The following CEACAM20 variants were observed in gnomAD, a reference collection of about 807,000 sequenced individuals.
CEACAM20 encodes cell adhesion molecule CEACAM20.
In CEACAM20, 50 loss-of-function variants were observed where a neutral mutation model predicts 61.2. That is an observed-to-expected ratio of 0.82 (90% CI 0.65 to 1.03). The LOEUF is 1.03. CEACAM20 is among the 50% of genes least tolerant of loss of function. The pLI is 0.00. For synonymous variants in CEACAM20, 282 were observed against 287.7 expected (o/e 0.98, Z 0.20); for missense variants, 683 against 736.4 (o/e 0.93, Z 0.84).
chr19:44,526,531 A>G (rs994302351), intron 1 of CEACAM20, among the ~76,000 whole-genome samples: 4 of 150,848 alleles, frequency 2.7e-5, no homozygotes, highest in African/African-American at 9.7e-5. Flanking sequence ...ACACAAAAAA[A>G]TGAGTTCCCA....
intron 11 of CEACAM20, among the ~76,000 whole-genome samples, chr19:44,510,547 GGAAA>G (rs770702249): frequency 0.078 from 4,085 of 52,124 alleles, 111 homozygotes; most frequent in Non-Finnish European, 0.1. Context: ...AAGGAAGGAA[GGAAA>G]GAAAGAAAGA....
At chr19:44,521,449 G>A (rs531180326) in intron 4 of CEACAM20, among the ~76,000 whole-genome samples, 2 of 152,144 alleles carry the variant, frequency 1.3e-5, no homozygotes, top group South Asian at 4.1e-4. Flanking sequence ...TGTTTGTTGT[G>A]TAGATGTATG....
intron 1 of CEACAM20, 79 bp downstream of exon 1, chr19:44,529,378 AC>A: frequency 7.9e-7 from 1 of 1,263,944 alleles, no homozygotes; most frequent in Non-Finnish European, 1.2e-6. Context: ...ACACACACAC[AC>A]ACACACACAC....
At chr19:44,526,592 T>C (rs544562754) in intron 1 of CEACAM20, among the ~76,000 whole-genome samples, 1 of 151,936 alleles carries the variant, frequency 6.6e-6, no homozygotes, top group South Asian at 2.1e-4. Context: ...CAAGAGACTA[T>C]GGGACCTGGC....
At chr19:44,515,063 C>T (rs1451874995) in intron 6 of CEACAM20, among the ~76,000 whole-genome samples, 1 of 152,108 alleles carries the variant, frequency 6.6e-6, no homozygotes, top group Non-Finnish European at 1.5e-5. Context: ...GTCTTCAACT[C>T]CTGACCATAT....
chr19:44,527,900 C>A (rs1971575377), intron 1 of CEACAM20, among the ~76,000 whole-genome samples: 2 of 152,186 alleles, frequency 1.3e-5, no homozygotes, highest in African/African-American at 2.4e-5. Context: ...CAGATGCCTT[C>A]TAGGCAGAAA....
rs779876265 is a variant in CEACAM20, at chr19:44,525,201, G to T, written c.96C>A (p.Leu32=). Residue 32 remains leucine (L), a synonymous_variant, in exon 2 of 12, where the codon CTC becomes CTA. Coordinates refer to ENST00000614924, the MANE Select transcript of CEACAM20 (RefSeq NM_001102597.3). ...TVWSPPAAAQ[L]TLNANPLDAT... is the part of the protein sequence containing the mutation. ...CATCAAGTGGGTTGGCATTGAGGGT[G>T]AGCTGGGCTGCAGCTGGAGGACTCC... is the stretch of plus-strand genomic sequence containing the variant. 1.8e-5 allele frequency: 29 copies of T among 1,608,996 alleles called. No individual in the cohort carries two copies. The highest frequency in any genetic ancestry group is 2.0e-5 in the Non-Finnish European group (24 of 1,177,992).
intron 1 of CEACAM20, 87 bp from the exon 2 acceptor site, chr19:44,525,331 G>A: frequency 7.6e-7 from 1 of 1,321,958 alleles, no homozygotes; most frequent in Non-Finnish European, 1.0e-6. Flanking sequence ...AGGGAGCTCT[G>A]AGGCCATAGG....
rs1970986560 is a variant in CEACAM20, at chr19:44,511,137, T to A, written c.1630A>T (p.Ser544Cys). The change falls in exon 11 of 12, where the codon AGC becomes TGC. Residue 544 changes from serine (S) to cysteine (C), a missense_variant. Transcript: ENST00000614924. ...GGGCTGAAAGAATTGCCTCTACGGC[T>A]TGCTGAAGGCAGCTTCGTCTGCAAG... ...ETYETKLPSASRRGNSFSPWK... is the reference protein window; with the variant it reads ...ETYETKLPSACRRGNSFSPWK... 6.2e-7 allele frequency: 1 copy of A among 1,613,810 alleles called. No homozygotes were observed. The highest frequency in any genetic ancestry group is 8.5e-7 in the Non-Finnish European group (1 of 1,179,832).
At chr19:44,521,865 G>A (rs1971375277) in intron 4 of CEACAM20, among the ~76,000 whole-genome samples, 1 of 152,086 alleles carries the variant, frequency 6.6e-6, no homozygotes, top group African/African-American at 2.4e-5. Flanking sequence ...TTATCTGTGT[G>A]TGTACGGAGT....
intron 11 of CEACAM20, among the ~76,000 whole-genome samples, chr19:44,507,253 T>C (rs930737679): frequency 6.6e-6 from 1 of 152,148 alleles, no homozygotes; most frequent in Non-Finnish European, 1.5e-5. Context: ...GCCCGACTAA[T>C]AATAGGAAAC....
At chr19:44,510,283 G>A (rs558475661) in intron 11 of CEACAM20, among the ~76,000 whole-genome samples, 2 of 151,932 alleles carry the variant, frequency 1.3e-5, no homozygotes, top group African/African-American at 2.4e-5. Context: ...AGGCCAAGGC[G>A]GGCAGATCAA....
rs1259854179 is a variant in CEACAM20 at position 44,529,480 on chromosome 19, G to A, written c.30C>T (p.His10=). 6.8e-6 allele frequency: 11 copies of A among 1,613,554 alleles called. No homozygotes were observed. The highest frequency in any genetic ancestry group is 3.3e-4 in the Middle Eastern group (2 of 6,080). The stretch of plus-strand genomic sequence containing the variant: ...CACCTGAAAGCAGGATTCCCATCCA[G>A]TGGTGTCCCCATGAGTCAGCAGGCC... MGPADSWGH[H]WMGILLSASL... The change falls in exon 1 of 12, where the codon CAC becomes CAT. Residue 10 remains histidine, a synonymous_variant. Coordinates refer to ENST00000614924, the MANE Select transcript of CEACAM20 (RefSeq NM_001102597.3).
At chr19:44,521,356 T>C (rs967941072) in intron 4 of CEACAM20, among the ~76,000 whole-genome samples, 1 of 152,212 alleles carries the variant, frequency 6.6e-6, no homozygotes, top group Non-Finnish European at 1.5e-5. Context: ...GTGCTGAATG[T>C]CAATGATATG....
chr19:44,524,375 C>G, intron 2 of CEACAM20, 114 bp from the exon 3 acceptor site: 2 of 1,181,218 alleles, frequency 1.7e-6, no homozygotes, highest in Non-Finnish European at 2.4e-6. Flanking sequence ...CCAGAAGACT[C>G]TCTGGAGTTG....
chr19:44,528,565 C>G (rs1458967151), intron 1 of CEACAM20, among the ~76,000 whole-genome samples: 2 of 152,078 alleles, frequency 1.3e-5, no homozygotes, highest in East Asian at 3.9e-4. Context: ...CACCCTTTGT[C>G]TCTGTCTCTG....
intron 5 of CEACAM20, among the ~76,000 whole-genome samples, chr19:44,518,821 C>T (rs1291103204): frequency 6.6e-6 from 1 of 152,106 alleles, no homozygotes; most frequent in African/African-American, 2.4e-5. Context: ...ATCCTCCACA[C>T]AGCAGCCAGA....
In CEACAM20 at chr19:44,516,943, C is replaced by T; in HGVS notation, c.1309+3G>A. On this transcript the variant is annotated splice_donor_region_variant and intron_variant, in intron 6 of 11. Coordinates refer to ENST00000614924, the MANE Select transcript of CEACAM20 (RefSeq NM_001102597.3). ...TGGGAGAAGGCGACCCTGAGAGACT[C>T]ACCTACCACCTTGACCAGGACTGAA... The T allele has an allele frequency of 6.3e-7, 1 of 1,592,896 alleles. No individual in the cohort carries two copies. Among genetic ancestry groups the T allele is most frequent in the Non-Finnish European group, 8.5e-7 (1 of 1,170,232 alleles).
At position 44,523,979 on chromosome 19, in the gene CEACAM20, G is replaced by A. The variant is rs1040178107; in HGVS notation, c.472+7C>T. ...TGAGGGGTTGGAGAGAATGGAAAGG[G>A]ACTCACACTTCACATCCAGGAAGAT... On this transcript the variant is annotated splice_region_variant and intron_variant, in intron 3 of 11. Transcript: ENST00000614924. 1 of 1,548,410 alleles carries A rather than the reference G, an allele frequency of 6.5e-7. No homozygotes were observed. Among genetic ancestry groups the A allele is most frequent in the Non-Finnish European group, 8.7e-7 (1 of 1,144,798 alleles).
Sources: allele counts gnomAD v4.1 joint callset (sites outside exome capture counted in the v4.1 genomes callset), GRCh38; gene constraint gnomAD v4.1.1; transcripts MANE v1.5; gene names NCBI Gene and HGNC (gene_info 2026-07-23, HGNC 2026-07-21).